The following RARB variants were observed in gnomAD, a reference collection of about 807,000 sequenced individuals.
The protein encoded by RARB is HBV-activated protein.
A neutral mutation model predicts 51.9 loss-of-function variants in RARB; 17 were observed. The ratio of observed to expected loss-of-function variants is 0.33; its 90% confidence interval spans 0.22 to 0.49. The LOEUF is 0.49. Among genes scored for constraint, RARB ranks in the 20% least tolerant of loss-of-function variants. RARB has a pLI of 0.99. For synonymous variants in RARB, 215 were observed against 195.4 expected, an observed-to-expected ratio of 1.10 and a Z score of -0.84; for missense variants, 369 against 550.8, an observed-to-expected ratio of 0.67 and a Z score of 3.30.
At position 25,361,230 on chromosome 3, in the gene RARB, A is replaced by G. The variant is rs1705923337; in HGVS notation, c.179-99963A>G. The stretch of plus-strand genomic sequence containing the variant: ...CTTTACGCTTTATTTCATTAAGTTG[A>G]TCTTCAATCTCTGATATCCTTTCTT... On this transcript the variant is annotated intron_variant, in intron 5 of 11. Transcript: ENST00000383772. 2.6e-5 allele frequency among the ~76,000 whole-genome samples: 4 copies of G among 151,996 alleles called. No homozygotes were observed. The South Asian group carries it at 8.3e-4, about 32-fold the overall frequency.
intron 5 of RARB, among the ~76,000 whole-genome samples, chr3:25,356,415 C>T (rs1705736075): frequency 6.6e-6 from 1 of 151,936 alleles, no homozygotes; most frequent in Non-Finnish European, 1.5e-5. Flanking sequence ...TTATAATAGT[C>T]TATTTCTAAA....
intron 4 of RARB, among the ~76,000 whole-genome samples, chr3:25,159,453 A>G (rs1700440302): frequency 6.7e-6 from 1 of 148,416 alleles, no homozygotes; most frequent in African/African-American, 2.5e-5. Context: ...TGCTGGGATT[A>G]CAGGCGTGAG....
intron 2 of RARB, among the ~76,000 whole-genome samples, chr3:24,888,779 G>C (rs1703315245): frequency 1.3e-5 from 2 of 152,158 alleles, no homozygotes; most frequent in South Asian, 4.1e-4. Context: ...GGAAAGAAGT[G>C]AGAGGTGCCC....
intron 2 of RARB, among the ~76,000 whole-genome samples, chr3:25,490,897 A>C (rs1340367751): frequency 1.3e-5 from 2 of 152,188 alleles, no homozygotes; most frequent in Admixed American, 1.3e-4. Flanking sequence ...GATTTAAAGA[A>C]AGCATGTGGA....
At chr3:25,189,611 G>C (rs867187734) in intron 5 of RARB, among the ~76,000 whole-genome samples, 19 of 152,108 alleles carry the variant, frequency 1.2e-4, no homozygotes, top group African/African-American at 3.9e-4. Flanking sequence ...TGTTGGGCTG[G>C]CATGGTGGCT....
At chr3:25,082,613 T>C (rs1036225941) in intron 3 of RARB, among the ~76,000 whole-genome samples, 15 of 152,222 alleles carry the variant, frequency 9.9e-5, no homozygotes, top group African/African-American at 3.6e-4. Flanking sequence ...TTTAGGTATT[T>C]TATGAAATCC....
Position 25,428,387 on chromosome 3 carries a change from G to T in RARB, c.-345G>T. The T allele has an allele frequency of 1.7e-5, 21 of 1,257,120 alleles. No homozygotes were observed. Among genetic ancestry groups the T allele is most frequent in the Non-Finnish European group, 1.8e-5 (18 of 1,002,780 alleles). 77.9% of individuals were successfully genotyped at this position (1,257,120 alleles called of 1,614,324 possible). On this transcript the variant is annotated 5_prime_UTR_variant, in exon 1 of 8. Transcript: ENST00000330688. Reference sequence around the variant, plus strand: ...GGGATGCCGAGAACGCGAGCGATCCGAGCAGGGTTTGTCTGGGCACCGTCG... The same window carrying T: ...GGGATGCCGAGAACGCGAGCGATCCTAGCAGGGTTTGTCTGGGCACCGTCG...
At chr3:24,986,585 G>C (rs1210858818) in intron 2 of RARB, among the ~76,000 whole-genome samples, 3 of 152,110 alleles carry the variant, frequency 2.0e-5, no homozygotes, top group Non-Finnish European at 4.4e-5. Context: ...AATTTAATTT[G>C]TCTTCTCTGG....
chr3:25,407,602 T>C (rs1170011828), intron 5 of RARB, among the ~76,000 whole-genome samples: 1 of 152,202 alleles, frequency 6.6e-6, no homozygotes, highest in African/African-American at 2.4e-5. Context: ...CTTGAAAATC[T>C]ACCTCGTTTT....
chr3:25,103,904 C>G (rs1699450806), intron 3 of RARB, among the ~76,000 whole-genome samples: 1 of 152,076 alleles, frequency 6.6e-6, no homozygotes, highest in Admixed American at 6.6e-5. Flanking sequence ...ATTCTGATTG[C>G]TTGGAAGAGA....
chr3:24,910,115 T>C (rs1362433220), intron 2 of RARB, among the ~76,000 whole-genome samples: 10 of 152,170 alleles, frequency 6.6e-5, no homozygotes, highest in Admixed American at 3.3e-4. Context: ...GGCAAAGGAT[T>C]TGAACCTCAG....
chr3:25,507,091 C>A (rs1460754450), intron 3 of RARB, among the ~76,000 whole-genome samples: 1 of 152,266 alleles, frequency 6.6e-6, no homozygotes, highest in Non-Finnish European at 1.5e-5. Context: ...TCGCACAAAG[C>A]TCCATGAACC....
chr3:24,917,633 C>T (rs139137194), intron 2 of RARB, among the ~76,000 whole-genome samples: 1,527 of 152,298 alleles, frequency 0.01, 40 homozygotes, highest in Admixed American at 0.039. Flanking sequence ...TGGGTTCAAG[C>T]GATTCTCCTG....
chr3:25,227,096 T>G (rs1702072019), intron 5 of RARB, among the ~76,000 whole-genome samples: 1 of 152,236 alleles, frequency 6.6e-6, no homozygotes, highest in Non-Finnish European at 1.5e-5. Context: ...TTAGGAGACA[T>G]GCAGGGCTGG....
chr3:25,344,099 A>AAATG (rs1705315189), intron 5 of RARB, among the ~76,000 whole-genome samples: 1 of 152,208 alleles, frequency 6.6e-6, no homozygotes, highest in Non-Finnish European at 1.5e-5. Context: ...AACTTTCTTT[A>AAATG]AATGACTTGT....
intron 5 of RARB, among the ~76,000 whole-genome samples, chr3:25,244,059 A>G (rs1449816273): frequency 2.0e-5 from 3 of 152,158 alleles, no homozygotes; most frequent in African/African-American, 7.2e-5. Context: ...GTGTCCAGGA[A>G]TCTATCCATT....
At chr3:24,876,342 T>C (rs1703042591) in intron 2 of RARB, among the ~76,000 whole-genome samples, 1 of 152,148 alleles carries the variant, frequency 6.6e-6, no homozygotes, top group South Asian at 2.1e-4. Context: ...TTAATGGTAA[T>C]TTTCTGCTTC....
intron 2 of RARB, among the ~76,000 whole-genome samples, chr3:24,865,629 T>A (rs922226186): frequency 6.6e-6 from 1 of 152,292 alleles, no homozygotes; most frequent in East Asian, 1.9e-4. Context: ...ATATTTATTA[T>A]AACTTAATAC....
chr3:25,192,027 C>T (rs780656147), intron 5 of RARB, among the ~76,000 whole-genome samples: 7 of 152,018 alleles, frequency 4.6e-5, no homozygotes, highest in Non-Finnish European at 7.4e-5. Flanking sequence ...ATTTAAACAG[C>T]TTTGCAAAAG....
Sources: gnomAD v4.1 joint callset for allele counts (sites outside exome capture counted in the v4.1 genomes callset) on GRCh38, gnomAD v4.1.1 for gene constraint, MANE v1.5 for transcripts, NCBI Gene and HGNC (gene_info 2026-07-23, HGNC 2026-07-21) for gene names.